ACACA: variants seen among roughly 807,000 people sequenced by gnomAD.
ACACA encodes the protein acetyl-CoA carboxylase alpha, also known as acetyl-CoA carboxylase 1.
A neutral mutation model predicts 296.1 loss-of-function variants in ACACA; 103 were observed. That is an observed-to-expected ratio of 0.35 (90% CI 0.30 to 0.41). The LOEUF (loss-of-function observed/expected upper bound fraction) is 0.41, where lower values mean the gene tolerates loss of function less well. Among genes scored for constraint, ACACA ranks in the 10% least tolerant of loss-of-function variants. ACACA has a pLI of 1.00. For missense variants in ACACA, 1,554 were observed against 2,989.7 expected (o/e 0.52, Z 11.20); for synonymous variants, 953 against 1,038.6 (o/e 0.92, Z 1.58).
In ACACA at chr17:37,192,198, G is replaced by T; in HGVS notation, c.4308C>A (p.His1436Gln). Residue 1436 changes from histidine to glutamine, a missense_variant, in exon 37 of 56, where the codon CAC becomes CAA. His to Gln is a conservative substitution (Grantham distance 24). Around this residue, in one of 16 missense-constraint regions of ACACA, gnomAD observed 179 missense variants for 283.2 expected, o/e 0.63. Coordinates refer to ENST00000616317, the MANE Select transcript of ACACA (RefSeq NM_198834.3). ...CTGCCCCGAGATACAGGTGCATCTT[G>T]TGATTAGCACATGGAATGGCAGTGA... ...FDLTAIPCAN[H>Q]KMHLYLGAAK... 6.2e-7 allele frequency: 1 copy of T among 1,614,042 alleles called. No homozygotes were observed. The highest frequency in any genetic ancestry group is 2.2e-5 in the East Asian group (1 of 44,870).
chr17:37,213,475 T>C (rs756019287), intron 29 of ACACA, among the ~76,000 whole-genome samples: 2 of 152,158 alleles, frequency 1.3e-5, no homozygotes, highest in Non-Finnish European at 2.9e-5. Context: ...AAAACACTTA[T>C]TATAATGAAT....
rs371689992 is a variant in ACACA, at chr17:37,243,456, G to T, written c.2846C>A (p.Pro949His). 6.8e-6 allele frequency: 11 copies of T among 1,613,940 alleles called. No homozygotes were observed. The African/African-American group carries it at 1.2e-4, about 18-fold the overall frequency. The change falls in exon 22 of 56, where the codon CCC becomes CAC. Residue 949 changes from proline to histidine, a missense_variant. Transcript: ENST00000616317. ...CTTCTTGATAGACTTCTCCACATTG[G>T]GGGGAATGCGGCCAGACACACTGGT... Reference protein sequence around the residue: ...IMTSVSGRIPPNVEKSIKKEM... With the variant: ...IMTSVSGRIPHNVEKSIKKEM...
chr17:37,330,047 T>A, intron 3 of ACACA, 126 bp downstream of exon 3: 1 of 1,222,554 alleles, frequency 8.2e-7, no homozygotes, highest in Admixed American at 1.8e-5. Context: ...TCAACAAAGC[T>A]TTGAGTTCAG....
chr17:37,243,626 G>T, intron 21 of ACACA, 67 bp from the exon 22 acceptor site: 1 of 1,537,850 alleles, frequency 6.5e-7, no homozygotes, highest in Non-Finnish European at 9.0e-7. Context: ...AAGATATATA[G>T]TTGTCATTCT....
At chr17:37,354,612 C>T (rs1568042798) in intron 1 of ACACA, among the ~76,000 whole-genome samples, 1 of 152,138 alleles carries the variant, frequency 6.6e-6, no homozygotes, top group African/African-American at 2.4e-5. Flanking sequence ...GAATACAGTA[C>T]TCATTACAGT....
chr17:37,303,461 A>G (rs1197777052), intron 3 of ACACA, among the ~76,000 whole-genome samples: 1 of 152,196 alleles, frequency 6.6e-6, no homozygotes, highest in Non-Finnish European at 1.5e-5. Flanking sequence ...ATTCATGTAT[A>G]AACTTTTATG....
chr17:37,214,412 A>T (rs996840780), intron 29 of ACACA, among the ~76,000 whole-genome samples: 17 of 152,180 alleles, frequency 1.1e-4, no homozygotes, highest in Admixed American at 1.0e-3. Flanking sequence ...GCTCTGCTGG[A>T]AGGTTTTGCT....
chr17:37,368,278 T>G lies in ACACA; in HGVS notation c.39-28428A>C, dbSNP rs564233190. Among the ~76,000 whole-genome samples, 50 of 146,310 alleles carry G rather than the reference T, an allele frequency of 3.4e-4. 2 individuals are homozygous for G. The South Asian group carries it at 0.011, about 31-fold the overall frequency. On this transcript the variant is annotated intron_variant, in intron 1 of 55. Transcript: ENST00000616317. ...CAGAGCGAGACTCCGTCTCAAAAAA[T>G]AAATAAATAAAAAATTCAGTGGCTG...
chr17:37,358,564 A>C (rs2049251277), intron 1 of ACACA, among the ~76,000 whole-genome samples: 1 of 152,188 alleles, frequency 6.6e-6, no homozygotes, highest in South Asian at 2.1e-4. Context: ...CTTTCAATGC[A>C]ATCAGACCCA....
At chr17:37,322,534 A>C (rs2047403815) in intron 3 of ACACA, among the ~76,000 whole-genome samples, 1 of 152,124 alleles carries the variant, frequency 6.6e-6, no homozygotes, top group Non-Finnish European at 1.5e-5. Flanking sequence ...TATGGACCTA[A>C]GTGAGAACAG....
intron 12 of ACACA, 105 bp from the exon 13 acceptor site, chr17:37,258,478 A>C: frequency 9.3e-7 from 1 of 1,071,414 alleles, no homozygotes; most frequent in East Asian, 2.5e-5. Context: ...GCCACTCCCT[A>C]AAACATTCTA....
At chr17:37,244,380 A>AT (rs1567872719) in intron 21 of ACACA, among the ~76,000 whole-genome samples, 1 of 152,028 alleles carries the variant, frequency 6.6e-6, no homozygotes, top group African/African-American at 2.4e-5. Context: ...AAAAAAAAAA[A>AT]GGAGTAATCA....
At chr17:37,134,023 G>A (rs1231695820) in intron 45 of ACACA, among the ~76,000 whole-genome samples, 2 of 152,154 alleles carry the variant, frequency 1.3e-5, no homozygotes, top group African/African-American at 4.8e-5. Flanking sequence ...CATTGCAGCC[G>A]GCGGACCTAA....
rs67821579 is a variant in ACACA at position 37,185,402 on chromosome 17, C to CTTTTTTTTTTTTTTT, written c.4776+2860_4776+2874dup. 2.9e-4 allele frequency among the ~76,000 whole-genome samples: 14 copies of CTTTTTTTTTTTTTTT among 48,438 alleles called. 4 individuals are homozygous for CTTTTTTTTTTTTTTT. Among genetic ancestry groups the CTTTTTTTTTTTTTTT allele is most frequent in the African/African-American group, 1.2e-3 (13 of 10,838 alleles). 31.8% of individuals were successfully genotyped at this position (48,438 alleles called of 152,430 possible). A position where few individuals can be genotyped will look rare whatever the true frequency, so the allele number is the denominator to read the frequency against. On this transcript the variant is annotated intron_variant, in intron 39 of 55. Coordinates refer to ENST00000616317, the MANE Select transcript of ACACA (RefSeq NM_198834.3). Reference sequence around the variant, plus strand: ...TGCATGACACCATGCCTGGCTATTTCTTTTTTTTTTTTTTTTTTTTTTTTT... The same window carrying CTTTTTTTTTTTTTTT: ...TGCATGACACCATGCCTGGCTATTTCTTTTTTTTTTTTTTTTTTTTTTTTTTTTTTTTTTTTTTTT...
intron 45 of ACACA, chr17:37,143,629 AG>A: frequency 8.1e-6 from 7 of 867,566 alleles, no homozygotes; most frequent in Admixed American, 4.7e-5. Context: ...AGTTGTATAC[AG>A]GGGGGTTAAA....
chr17:37,096,878 A>G (rs1437087129), intron 54 of ACACA, 118 bp downstream of exon 54: 3 of 1,217,234 alleles, frequency 2.5e-6, no homozygotes, highest in African/African-American at 3.0e-5. Flanking sequence ...TTGGATCTCT[A>G]TGTTTCCCTT....
chr17:37,294,852 T>C (rs2083253308), intron 3 of ACACA, among the ~76,000 whole-genome samples: 1 of 152,194 alleles, frequency 6.6e-6, no homozygotes, highest in African/African-American at 2.4e-5. Flanking sequence ...TCTCTGACCT[T>C]AGGTGGGCAC....
intron 1 of ACACA, chr17:37,359,130 A>G (rs1450945433): frequency 8.1e-6 from 8 of 985,304 alleles, no homozygotes; most frequent in Middle Eastern, 5.2e-4. Context: ...CGGCACACGG[A>G]GAAGGGGCGG....
intron 41 of ACACA, among the ~76,000 whole-genome samples, chr17:37,174,322 C>T (rs998657370): frequency 1.3e-5 from 2 of 151,488 alleles, no homozygotes; most frequent in African/African-American, 4.9e-5. Context: ...GTAAAGGCTA[C>T]TATACCAACT....
Sources: allele counts gnomAD v4.1 joint callset (sites outside exome capture counted in the v4.1 genomes callset), GRCh38; gene constraint gnomAD v4.1.1; regional missense constraint gnomAD v4.1.1; transcripts MANE v1.5; gene names NCBI Gene and HGNC (gene_info 2026-07-23, HGNC 2026-07-21).